ATOSA: variants seen among roughly 807,000 people sequenced by gnomAD.
The protein encoded by ATOSA is atos homolog A.
At chr15:52,649,701 T>C in the ATOSA span, 3 of 152,298 alleles carry the variant, frequency 2.0e-5, no homozygotes, top group East Asian at 1.9e-4. Context: ...AAAAATTATA[T>C]TGTCAAATAA....
chr15:52,640,592 A>T, the ATOSA span, among the ~76,000 whole-genome samples: 2 of 146,646 alleles, frequency 1.4e-5, no homozygotes, highest in East Asian at 2.0e-4. Flanking sequence ...AAAAAAAAAA[A>T]AAAAAAGGCA....
the ATOSA span, chr15:52,608,969 T>G: frequency 6.2e-7 from 1 of 1,611,658 alleles, no homozygotes; most frequent in African/African-American, 1.3e-5. Context: ...CAAATCTGTT[T>G]GTCAATAGTG....
At chr15:52,658,631 C>G in the ATOSA span, 226 of 397,042 alleles carry the variant, frequency 5.7e-4, 1 homozygote, top group East Asian at 7.0e-3. Flanking sequence ...ATGCTCCCTT[C>G]CCATTCAAAC....
the ATOSA span, among the ~76,000 whole-genome samples, chr15:52,620,829 T>C: frequency 6.6e-6 from 1 of 152,040 alleles, no homozygotes; most frequent in African/African-American, 2.4e-5. Context: ...TCCCAGCTAC[T>C]TGGAAGGCAG....
chr15:52,706,528 C>T, the ATOSA span, among the ~76,000 whole-genome samples: 2 of 152,110 alleles, frequency 1.3e-5, no homozygotes, highest in South Asian at 4.1e-4. Flanking sequence ...GTTCATCAGA[C>T]AGGCTGTCTT....
At chr15:52,675,320 T>C in the ATOSA span, among the ~76,000 whole-genome samples, 2 of 152,188 alleles carry the variant, frequency 1.3e-5, no homozygotes, top group African/African-American at 2.4e-5. Flanking sequence ...TTATGGAGGC[T>C]GTAGGGAGCA....
chr15:52,676,553 T>G, the ATOSA span, among the ~76,000 whole-genome samples: 21 of 152,324 alleles, frequency 1.4e-4, no homozygotes, highest in East Asian at 4.0e-3. Flanking sequence ...TTTATGTTAT[T>G]ATTATGGAAT....
chr15:52,653,803 C>T, the ATOSA span, among the ~76,000 whole-genome samples: 1 of 152,322 alleles, frequency 6.6e-6, no homozygotes, highest in East Asian at 1.9e-4. Context: ...ACTGTAAGTG[C>T]TTAAAACGTA....
At chr15:52,583,541 A>G in the ATOSA span, among the ~76,000 whole-genome samples, 1 of 152,240 alleles carries the variant, frequency 6.6e-6, no homozygotes, top group African/African-American at 2.4e-5. Context: ...GTCCACCACC[A>G]CGCCTGGCTA....
chr15:52,602,844 A>T, the ATOSA span, among the ~76,000 whole-genome samples: 11 of 152,196 alleles, frequency 7.2e-5, no homozygotes, highest in Non-Finnish European at 1.5e-4. Flanking sequence ...TCCTGTTCTC[A>T]GCAGGGGAAC....
the ATOSA span, chr15:52,584,672 CA>C: frequency 7.7e-7 from 1 of 1,303,240 alleles, no homozygotes; most frequent in Non-Finnish European, 1.1e-6. Context: ...GTTAGAGTCA[CA>C]GTTTAAAAAA....
chr15:52,620,178 T>C, the ATOSA span, among the ~76,000 whole-genome samples: 1 of 152,178 alleles, frequency 6.6e-6, no homozygotes, highest in Non-Finnish European at 1.5e-5. Context: ...GGGTGATCCG[T>C]AGACAAAATA....
the ATOSA span, among the ~76,000 whole-genome samples, chr15:52,635,671 G>C: frequency 1.3e-5 from 2 of 151,904 alleles, no homozygotes; most frequent in Non-Finnish European, 2.9e-5. Context: ...ACTTCAGCCT[G>C]GGCAACACAG....
chr15:52,600,542 A>G, the ATOSA span, among the ~76,000 whole-genome samples: 22 of 152,266 alleles, frequency 1.4e-4, no homozygotes, highest in Non-Finnish European at 3.1e-4. Context: ...TAAAATTTCA[A>G]GTTTTAAATT....
chr15:52,703,431 G>T, the ATOSA span, among the ~76,000 whole-genome samples: 1 of 152,074 alleles, frequency 6.6e-6, no homozygotes, highest in African/African-American at 2.4e-5. Flanking sequence ...ATTACCCTAA[G>T]ATACTATTTC....
chr15:52,634,541 T>A, the ATOSA span, among the ~76,000 whole-genome samples: 1 of 147,024 alleles, frequency 6.8e-6, no homozygotes. Context: ...TGAGATTAGA[T>A]TTTTTTTTTT....
chr15:52,604,756 C>T, the ATOSA span, among the ~76,000 whole-genome samples: 1 of 152,158 alleles, frequency 6.6e-6, no homozygotes, highest in Non-Finnish European at 1.5e-5. Context: ...ATTTATATGT[C>T]TCAAGATGAT....
the ATOSA span, among the ~76,000 whole-genome samples, chr15:52,640,855 C>T: frequency 6.6e-6 from 1 of 151,570 alleles, no homozygotes; most frequent in Non-Finnish European, 1.5e-5. Flanking sequence ...ATATAATGAT[C>T]AAATAGTATA....
chr15:52,596,708 C>T, the ATOSA span, among the ~76,000 whole-genome samples: 1 of 152,284 alleles, frequency 6.6e-6, no homozygotes, highest in Non-Finnish European at 1.5e-5. Flanking sequence ...AATGCACAAA[C>T]AGCCCTTCAG....
Sources: allele counts gnomAD v4.1 joint callset (sites outside exome capture counted in the v4.1 genomes callset), GRCh38; gene constraint gnomAD v4.1.1; transcripts MANE v1.5; gene names NCBI Gene and HGNC (gene_info 2026-07-23, HGNC 2026-07-21).